The following SPOCK3 variants were observed in gnomAD, a reference collection of about 807,000 sequenced individuals.
The protein encoded by SPOCK3 is SPARC (osteonectin), cwcv and kazal like domains proteoglycan 3, also known as testican-3.
A neutral mutation model predicts 56.6 loss-of-function variants in SPOCK3; 30 were observed. The observed-to-expected ratio is 0.53, with a 90% CI of 0.40 to 0.72. The LOEUF is 0.72. Ranked by LOEUF, SPOCK3 falls within the 30% of genes least tolerant of loss-of-function variation. The pLI, the probability that SPOCK3 is intolerant of heterozygous loss-of-function variation, is 0.00. For missense variants in SPOCK3, 527 were observed against 530.0 expected (o/e 0.99, Z 0.06); for synonymous variants, 196 against 183.3 (o/e 1.07, Z -0.56).
intron 3 of SPOCK3, among the ~76,000 whole-genome samples, chr4:167,029,111 G>A (rs767186167): frequency 1.4e-4 from 21 of 151,874 alleles, no homozygotes; most frequent in Non-Finnish European, 2.6e-4. Flanking sequence ...GTTGTTAACC[G>A]CCATGAGTCC....
intron 8 of SPOCK3, among the ~76,000 whole-genome samples, chr4:166,750,555 GA>G (rs74340789): frequency 6.3e-5 from 8 of 127,170 alleles, no homozygotes; most frequent in African/African-American, 1.9e-4. Context: ...AGGGAAGAAT[GA>G]AAAAAAAATA....
intron 7 of SPOCK3, among the ~76,000 whole-genome samples, chr4:166,767,070 C>A (rs998802703): frequency 1.2e-4 from 18 of 151,868 alleles, no homozygotes; most frequent in African/African-American, 4.1e-4. Flanking sequence ...CTATTTGATT[C>A]TTCTCTCTTT....
intron 2 of SPOCK3, among the ~76,000 whole-genome samples, chr4:167,071,713 T>A (rs534322933): frequency 3.3e-5 from 5 of 152,166 alleles, no homozygotes; most frequent in Admixed American, 3.3e-4. Flanking sequence ...AGTAGCATGA[T>A]TTATAATCCT....
At chr4:166,930,312 A>C (rs1310641403) in intron 4 of SPOCK3, among the ~76,000 whole-genome samples, 2 of 152,186 alleles carry the variant, frequency 1.3e-5, no homozygotes, top group East Asian at 1.9e-4. Context: ...ACATGTTTAC[A>C]TATATAAAAG....
chr4:167,107,395 A>C (rs1760258031), intron 2 of SPOCK3, among the ~76,000 whole-genome samples: 1 of 151,838 alleles, frequency 6.6e-6, no homozygotes, highest in Non-Finnish European at 1.5e-5. Flanking sequence ...AAGGACAAAA[A>C]CCATATGATC....
chr4:166,762,155 TCAAA>T (rs1196018376), intron 7 of SPOCK3, among the ~76,000 whole-genome samples: 1 of 152,140 alleles, frequency 6.6e-6, no homozygotes, highest in African/African-American at 2.4e-5. Context: ...GTTATCTCAC[TCAAA>T]CAAACAGTAA....
chr4:167,057,035 A>G (rs1754959638), intron 3 of SPOCK3, among the ~76,000 whole-genome samples: 1 of 152,182 alleles, frequency 6.6e-6, no homozygotes, highest in Non-Finnish European at 1.5e-5. Flanking sequence ...GCATCCAGAG[A>G]GAAAGGTCAG....
intron 5 of SPOCK3, among the ~76,000 whole-genome samples, chr4:166,905,075 A>G (rs1736470273): frequency 6.6e-6 from 1 of 152,044 alleles, no homozygotes; most frequent in South Asian, 2.1e-4. Flanking sequence ...TGTAGACATT[A>G]TAAAAAAAGT....
At chr4:166,911,335 G>C (rs1737244570) in intron 5 of SPOCK3, among the ~76,000 whole-genome samples, 1 of 152,034 alleles carries the variant, frequency 6.6e-6, no homozygotes, top group African/African-American at 2.4e-5. Flanking sequence ...GGAAGTTTTG[G>C]GGAAATATTT....
intron 4 of SPOCK3, among the ~76,000 whole-genome samples, chr4:166,950,153 G>A (rs1020578408): frequency 2.0e-5 from 3 of 151,634 alleles, no homozygotes; most frequent in Non-Finnish European, 4.4e-5. Context: ...ATTGGATAAA[G>A]AGTCAAGACC....
intron 8 of SPOCK3, among the ~76,000 whole-genome samples, chr4:166,746,624 T>C (rs1451906142): frequency 6.6e-6 from 1 of 151,804 alleles, no homozygotes; most frequent in African/African-American, 2.4e-5. Flanking sequence ...AGGCAAGAAA[T>C]AACTAAGATC....
At chr4:167,017,307 C>A (rs1750720058) in intron 3 of SPOCK3, among the ~76,000 whole-genome samples, 1 of 152,028 alleles carries the variant, frequency 6.6e-6, no homozygotes, top group Non-Finnish European at 1.5e-5. Context: ...ATGAACATAT[C>A]TTAATAACCT....
intron 2 of SPOCK3, among the ~76,000 whole-genome samples, chr4:167,065,545 A>T (rs1756044663): frequency 6.6e-6 from 1 of 151,820 alleles, no homozygotes; most frequent in African/African-American, 2.4e-5. Flanking sequence ...GTCAAGGGCA[A>T]TCTCGAAGCC....
At chr4:167,080,863 A>G (rs13434541) in intron 2 of SPOCK3, among the ~76,000 whole-genome samples, 11,678 of 147,702 alleles carry the variant, frequency 0.079, 829 homozygotes, top group African/African-American at 0.2. Flanking sequence ...ATTCTGTCCT[A>G]TATTCTCTTT....
intron 6 of SPOCK3, among the ~76,000 whole-genome samples, chr4:166,832,995 C>G (rs907740311): frequency 6.6e-6 from 1 of 152,048 alleles, no homozygotes; most frequent in Admixed American, 6.5e-5. Context: ...TACCAAATAC[C>G]TCAGCATCAT....
At chr4:167,092,766 G>A (rs1758810635) in intron 2 of SPOCK3, among the ~76,000 whole-genome samples, 1 of 151,938 alleles carries the variant, frequency 6.6e-6, no homozygotes, top group African/African-American at 2.4e-5. Context: ...CAACAGTGAA[G>A]AATAATAGAG....
chr4:167,000,207 A>G (rs527494770), intron 4 of SPOCK3, 142 bp downstream of exon 4: 1 of 450,928 alleles, frequency 2.2e-6, no homozygotes, highest in East Asian at 3.5e-5. Flanking sequence ...GTGAATCATA[A>G]TTGTATTAAC....
chr4:166,842,195 G>C (rs1278916515), intron 6 of SPOCK3, among the ~76,000 whole-genome samples: 1 of 152,160 alleles, frequency 6.6e-6, no homozygotes, highest in Non-Finnish European at 1.5e-5. Flanking sequence ...TTATTGCAAA[G>C]AACAAAAGAA....
intron 4 of SPOCK3, among the ~76,000 whole-genome samples, chr4:166,927,685 C>G (rs370079383): frequency 6.6e-6 from 1 of 151,954 alleles, no homozygotes; most frequent in Non-Finnish European, 1.5e-5. Context: ...TTTTTAGATA[C>G]AACGCAAGAG....
Sources: gnomAD v4.1 joint callset for allele counts (sites outside exome capture counted in the v4.1 genomes callset) on GRCh38, gnomAD v4.1.1 for gene constraint, MANE v1.5 for transcripts, NCBI Gene and HGNC (gene_info 2026-07-23, HGNC 2026-07-21) for gene names.